Variants in GRIK1 observed in about 807,000 individuals in gnomAD.
GRIK1 encodes the protein glutamate receptor ionotropic, kainate 1.
A neutral mutation model predicts 105.7 loss-of-function variants in GRIK1; 69 were observed. The observed-to-expected ratio is 0.65, with a 90% confidence interval of 0.54 to 0.80. The LOEUF (loss-of-function observed/expected upper bound fraction) is 0.80. Among genes scored for constraint, GRIK1 ranks in the 30% least tolerant of loss-of-function variants. GRIK1 has a pLI of 0.00. For synonymous variants in GRIK1, 438 were observed against 431.3 expected (o/e 1.02, Z -0.19); for missense variants, 1,109 against 1,167.3 (o/e 0.95, Z 0.73).
intron 1 of GRIK1, among the ~76,000 whole-genome samples, chr21:29,796,411 T>C (rs1271068663): frequency 1.3e-5 from 2 of 152,146 alleles, no homozygotes; most frequent in East Asian, 1.9e-4. Flanking sequence ...TTTATTGTTA[T>C]ATTTTAATTG....
At chr21:29,577,251 A>G (rs1377409835) in intron 13 of GRIK1, 70 bp from the exon 14 acceptor site, 2 of 857,982 alleles carry the variant, frequency 2.3e-6, no homozygotes, top group South Asian at 1.4e-5. Flanking sequence ...ACAGTTCGAC[A>G]CTATTCTAGG....
intron 1 of GRIK1, among the ~76,000 whole-genome samples, chr21:29,905,588 AAC>A (rs2070584581): frequency 6.7e-6 from 1 of 149,454 alleles, no homozygotes; most frequent in South Asian, 2.1e-4. Flanking sequence ...AGGGATTACA[AAC>A]ACGCACCATC....
At chr21:29,592,714 C>T (rs1194622020) in intron 9 of GRIK1, among the ~76,000 whole-genome samples, 1 of 152,116 alleles carries the variant, frequency 6.6e-6, no homozygotes. Flanking sequence ...AGTGTTGGTG[C>T]ATGTTGTTAA....
intron 1 of GRIK1, among the ~76,000 whole-genome samples, chr21:29,914,041 A>T (rs1434551326): frequency 6.6e-6 from 1 of 152,046 alleles, no homozygotes. Context: ...AGGTTTTCAC[A>T]ATCTTGGCTA....
intron 16 of GRIK1, among the ~76,000 whole-genome samples, chr21:29,538,956 A>T (rs2089926329): frequency 6.6e-6 from 1 of 152,160 alleles, no homozygotes; most frequent in African/African-American, 2.4e-5. Flanking sequence ...GGCCTATCAG[A>T]TGTATGTCTC....
At chr21:29,655,244 A>G (rs1443690964) in intron 4 of GRIK1, among the ~76,000 whole-genome samples, 10 of 152,200 alleles carry the variant, frequency 6.6e-5, no homozygotes, top group Admixed American at 5.2e-4. Context: ...TCCTGTCTCT[A>G]CTAAAAATAC....
At chr21:29,660,768 A>C (rs896151940) in intron 4 of GRIK1, among the ~76,000 whole-genome samples, 3 of 152,252 alleles carry the variant, frequency 2.0e-5, no homozygotes, top group East Asian at 3.8e-4. Flanking sequence ...TCTCAATATC[A>C]GGATAAATTC....
At chr21:29,855,642 T>C (rs2068439862) in intron 1 of GRIK1, among the ~76,000 whole-genome samples, 1 of 152,222 alleles carries the variant, frequency 6.6e-6, no homozygotes, top group Non-Finnish European at 1.5e-5. Flanking sequence ...AGTGGGATGT[T>C]CTAGTTTGTG....
At chr21:29,799,324 T>C (rs529553126) in intron 1 of GRIK1, among the ~76,000 whole-genome samples, 2 of 152,224 alleles carry the variant, frequency 1.3e-5, no homozygotes, top group Admixed American at 6.5e-5. Flanking sequence ...GGCGCTGTTA[T>C]GCTATTCACG....
chr21:29,620,193 A>G (rs999926837), intron 7 of GRIK1, among the ~76,000 whole-genome samples: 2 of 152,236 alleles, frequency 1.3e-5, no homozygotes, highest in African/African-American at 2.4e-5. Context: ...AAATGTTGAC[A>G]GGGACCCAGA....
intron 7 of GRIK1, among the ~76,000 whole-genome samples, chr21:29,599,140 A>G (rs2061471301): frequency 1.3e-5 from 2 of 152,202 alleles, no homozygotes; most frequent in South Asian, 4.1e-4. Context: ...GTCAATTCTA[A>G]CATCCTAACC....
chr21:29,904,661 A>G (rs1233907948), intron 1 of GRIK1, among the ~76,000 whole-genome samples: 2 of 152,164 alleles, frequency 1.3e-5, no homozygotes, highest in Non-Finnish European at 2.9e-5. Flanking sequence ...TCTGATTGAA[A>G]CATGTACTTG....
At chr21:29,883,122 G>A (rs1053980159) in intron 1 of GRIK1, among the ~76,000 whole-genome samples, 16 of 152,084 alleles carry the variant, frequency 1.1e-4, no homozygotes, top group African/African-American at 3.9e-4. Context: ...TGCTCATCTG[G>A]AAGCAGTATT....
chr21:29,777,419 C>A (rs751291625), intron 1 of GRIK1, among the ~76,000 whole-genome samples: 25 of 152,116 alleles, frequency 1.6e-4, no homozygotes, highest in Non-Finnish European at 2.9e-4. Flanking sequence ...TATGTGAAAA[C>A]CATGAAGGCT....
chr21:29,583,629 T>G (rs1480456695), intron 12 of GRIK1, among the ~76,000 whole-genome samples: 4 of 152,188 alleles, frequency 2.6e-5, no homozygotes, highest in Non-Finnish European at 5.9e-5. Flanking sequence ...CTAATTTTTG[T>G]GTGGCAAAAA....
At chr21:29,898,925 T>G (rs1397288250) in intron 1 of GRIK1, among the ~76,000 whole-genome samples, 1 of 151,716 alleles carries the variant, frequency 6.6e-6, no homozygotes, top group East Asian at 1.9e-4. Context: ...TGAGCCGAGA[T>G]CACGTCATTG....
intron 1 of GRIK1, among the ~76,000 whole-genome samples, chr21:29,753,759 A>G (rs1446717748): frequency 6.6e-6 from 1 of 152,196 alleles, no homozygotes; most frequent in East Asian, 1.9e-4. Context: ...TGTATGAAAT[A>G]TTTTTAGGTA....
chr21:29,777,604 G>C (rs1473473940), intron 1 of GRIK1, among the ~76,000 whole-genome samples: 2 of 152,166 alleles, frequency 1.3e-5, no homozygotes, highest in African/African-American at 4.8e-5. Context: ...TAAGGACATA[G>C]GTGAGGTGGC....
At chr21:29,773,499 C>T (rs940656802) in intron 1 of GRIK1, among the ~76,000 whole-genome samples, 3 of 152,078 alleles carry the variant, frequency 2.0e-5, no homozygotes, top group African/African-American at 7.2e-5. Flanking sequence ...TGTCTTTCTC[C>T]AAGGCAGAGT....
Sources: gnomAD v4.1 joint callset for allele counts (sites outside exome capture counted in the v4.1 genomes callset) on GRCh38, gnomAD v4.1.1 for gene constraint, MANE v1.5 for transcripts, NCBI Gene and HGNC (gene_info 2026-07-23, HGNC 2026-07-21) for gene names.